Variants in ITIH4 observed in about 807,000 individuals in gnomAD.
The protein encoded by ITIH4 is inter-alpha-trypsin inhibitor heavy chain H4.
ITIH4 carries 79 observed loss-of-function variants against 111.8 expected under a neutral mutation model. That is an observed-to-expected ratio of 0.71 (90% CI 0.59 to 0.85). The LOEUF (loss-of-function observed/expected upper bound fraction) is 0.85, where lower values mean the gene tolerates loss of function less well. Ranked by LOEUF, ITIH4 falls within the 40% of genes least tolerant of loss-of-function variation. ITIH4 has a pLI of 0.00. For missense variants in ITIH4, 1,065 were observed against 1,195.8 expected, an observed-to-expected ratio of 0.89 and a Z score of 1.61; for synonymous variants, 472 against 468.3, an observed-to-expected ratio of 1.01 and a Z score of -0.10.
Position 52,824,706 on chromosome 3 carries a change from G to T in ITIH4, c.876+136C>A. ...GGAACAGGGGCTGCCCTAGGCTCTG[G>T]CCAACCTTGGTTCCTGAGAGCCACC... On this transcript the variant is annotated intron_variant, in intron 7 of 23. Coordinates refer to ENST00000266041, the MANE Select transcript of ITIH4 (RefSeq NM_002218.5). This position sits in a 1 kb window ranked among gnomAD's most constrained non-coding sequence, Gnocchi z 4.3. The T allele has an allele frequency of 7.9e-7, 1 of 1,260,664 alleles. No homozygotes were observed. Among genetic ancestry groups the T allele is most frequent in the South Asian group, 1.4e-5 (1 of 70,974 alleles). 78.1% of individuals were successfully genotyped at this position (1,260,664 alleles called of 1,614,324 possible). A position where few individuals can be genotyped will look rare whatever the true frequency, so the allele number is the denominator to read the frequency against.
chr3:52,818,502 A>C lies in ITIH4; in HGVS notation c.2112T>G (p.Pro704=). The C allele has an allele frequency of 6.2e-7, 1 of 1,606,168 alleles. No homozygotes were observed. The highest frequency in any genetic ancestry group is 8.5e-7 in the Non-Finnish European group (1 of 1,176,136). ...PASAPPATSN[P]DPAVSRVMNM... ...TCATGACACGAGACACAGCTGGATC[A>C]GGATTTGAGGTGGCTGGTGGTGCTG... The change falls in exon 18 of 24, where the codon CCT becomes CCG. Residue 704 remains proline (P), a synonymous_variant. Coordinates refer to ENST00000266041, the MANE Select transcript of ITIH4 (RefSeq NM_002218.5).
Position 52,830,438 on chromosome 3 carries a change from A to T in ITIH4, c.90+115T>A, listed in dbSNP as rs1700550382. On this transcript the variant is annotated intron_variant, in intron 1 of 23. Transcript: ENST00000266041. ...GGAGGTCTGCACCATTTTTTTGCAC[A>T]CACAGGGATGCACACGCACTTGTGC... The T allele has an allele frequency of 4.9e-6, 5 of 1,023,918 alleles. No homozygotes were observed. The Admixed American group carries it at 6.8e-5, about 14-fold the overall frequency. The allele number at this position is 1,023,918 out of a possible 1,614,324, so 63.4% of individuals were successfully genotyped here. A position where few individuals can be genotyped will look rare whatever the true frequency, so the allele number is the denominator to read the frequency against.
In ITIH4 at chr3:52,825,879, C is replaced by G; in HGVS notation, c.759+7G>C. The G allele has an allele frequency of 6.2e-7, 1 of 1,612,792 alleles. No homozygotes were observed. The highest frequency in any genetic ancestry group is 1.1e-5 in the South Asian group (1 of 90,872). ...GGCTGCTCTGCTCTTGCCTGAAGTC[C>G]ACCCACCTGAATGGAGCCCCCGGAG... On this transcript the variant is annotated splice_region_variant and intron_variant, in intron 6 of 23. Coordinates refer to ENST00000266041, the MANE Select transcript of ITIH4 (RefSeq NM_002218.5).
chr3:52,824,791 C>A lies in ITIH4; in HGVS notation c.876+51G>T. 2.1e-6 allele frequency: 3 copies of A among 1,437,604 alleles called. No individual in the cohort carries two copies. The highest frequency in any genetic ancestry group is 1.9e-6 in the Non-Finnish European group (2 of 1,034,124). 89.1% of individuals were successfully genotyped at this position (1,437,604 alleles called of 1,614,324 possible). A position where few individuals can be genotyped will look rare whatever the true frequency, so the allele number is the denominator to read the frequency against. ...CTGCCTGCCGGACCACAGCTGATAG[C>A]GTGAAGGGCCTGGGAGTTTTCAGGG... On this transcript the variant is annotated intron_variant, in intron 7 of 23. Coordinates refer to ENST00000266041, the MANE Select transcript of ITIH4 (RefSeq NM_002218.5). This position sits in a 1 kb window ranked among gnomAD's most constrained non-coding sequence, Gnocchi z 4.3.
At chr3:52,829,323 C>T in intron 1 of ITIH4, 44 bp from the exon 2 acceptor site, 1 of 1,568,160 alleles carries the variant, frequency 6.4e-7, no homozygotes, top group Non-Finnish European at 8.7e-7. Context: ...TTCAATGCCA[C>T]CTCAGCTCGG....
rs750479770 is a variant in ITIH4 at position 52,823,568 on chromosome 3, G to A, written c.1527C>T (p.Val509=). The part of the protein sequence containing the change: ...DRGPDVLTAT[V]SGKLPTQNIT... ...TGGCCACACTCACCAGCTTCCCACT[G>A]ACTGTGGCTGTGAGCACATCAGGCC... is the stretch of plus-strand genomic sequence containing the variant. The change falls in exon 11 of 24, where the codon GTC becomes GTT. Residue 509 remains valine, a synonymous_variant. Coordinates refer to ENST00000266041, the MANE Select transcript of ITIH4 (RefSeq NM_002218.5). The A allele has an allele frequency of 1.2e-6, 2 of 1,608,346 alleles. No individual in the cohort carries two copies. Among genetic ancestry groups the A allele is most frequent in the African/African-American group, 1.3e-5 (1 of 74,862 alleles).
intron 14 of ITIH4, 141 bp from the exon 15 acceptor site, chr3:52,820,131 G>C: frequency 7.8e-7 from 1 of 1,279,814 alleles, no homozygotes; most frequent in African/African-American, 1.5e-5. Context: ...AAATGCACCA[G>C]CATGCTGGGT....
In ITIH4 at chr3:52,822,936, A is replaced by G. The variant is rs149487781; in HGVS notation, c.1539+620T>C. Among the ~76,000 whole-genome samples the G allele has an allele frequency of 7.2e-3, 1,102 of 152,162 alleles. 3 individuals carry two copies. Among genetic ancestry groups the G allele is most frequent in the Non-Finnish European group, 0.01 (687 of 67,984 alleles). ...TGGGGCTCCTGGTGCTGCTCTCCTG[A>G]GTCCAGGGTTAGATCCCAGCCTGTA... is the stretch of plus-strand genomic sequence containing the variant. On this transcript the variant is annotated intron_variant, in intron 11 of 23. Transcript: ENST00000266041.
Position 52,829,198 on chromosome 3 carries a change from C to G in ITIH4, c.172G>C (p.Val58Leu). 2 of 1,613,874 alleles carry G rather than the reference C, an allele frequency of 1.2e-6. No homozygotes were observed. Among genetic ancestry groups the G allele is most frequent in the Non-Finnish European group, 1.7e-6 (2 of 1,179,812 alleles). ...TCCTGCACAGTATTGGCCCTATTGA[C>G]CACTCGGCTGGTGACGACCGTGTGG... is the stretch of plus-strand genomic sequence containing the variant. ...FAHTVVTSRV[V>L]NRANTVQEAT... Residue 58 changes from valine to leucine, a missense_variant, in exon 2 of 24, where the codon GTC (valine) becomes CTC (leucine). Transcript: ENST00000266041.
intron 11 of ITIH4, 60 bp from the exon 12 acceptor site, chr3:52,821,190 G>A: frequency 6.3e-7 from 1 of 1,576,276 alleles, no homozygotes; most frequent in Non-Finnish European, 8.6e-7. Context: ...GCATCTGCCT[G>A]GCACTTCTGA....
Position 52,824,315 on chromosome 3 carries a change from C to T in ITIH4, c.1046G>A (p.Gly349Glu). The T allele has an allele frequency of 1.2e-6, 2 of 1,612,870 alleles. No individual in the cohort carries two copies. The highest frequency in any genetic ancestry group is 1.3e-5 in the African/African-American group (1 of 75,034). The change falls in exon 9 of 24, where the codon GGG becomes GAG. Residue 349 changes from glycine (G) to glutamate (E), a missense_variant and splice_region_variant. Transcript: ENST00000266041. This position sits in a 1 kb window ranked among gnomAD's most constrained non-coding sequence, Gnocchi z 4.3. The stretch of plus-strand genomic sequence containing the variant: ...CAGCATTGCATCATTGATGTTGGTC[C>T]CTGAGGAACACGCACTCTCAAGGTG... ...SFAAGIQALG[G>E]TNINDAMLMA...
intron 11 of ITIH4, 104 bp from the exon 12 acceptor site, chr3:52,821,234 C>G: frequency 7.3e-7 from 1 of 1,379,254 alleles, no homozygotes; most frequent in Non-Finnish European, 9.9e-7. Context: ...GCAGGTCCCA[C>G]ACACTGACTG....
intron 23 of ITIH4, 101 bp from the exon 24 acceptor site, chr3:52,813,591 G>C: frequency 1.0e-6 from 1 of 990,298 alleles, no homozygotes; most frequent in Non-Finnish European, 1.6e-6. Context: ...AGGGCAGGGA[G>C]TCCTGGCGTC....
In ITIH4 at chr3:52,830,553, CT is replaced by C; in HGVS notation, c.89del (p.Lys30ArgfsTer55). On this transcript the variant is annotated frameshift_variant and splice_region_variant, in exon 1 of 24. Coordinates refer to ENST00000266041, the MANE Select transcript of ITIH4 (RefSeq NM_002218.5). LOFTEE classifies it high-confidence loss of function. The part of the protein sequence containing the change: ...LAIHQTTTAE[K>X]NGIDIYSLTV... ...CGCCACACCCATGGACACTGGCTAC[CT>C]TTTCGGCAGTAGTAGTCTGGTGGAT... 6.2e-7 allele frequency: 1 copy of C among 1,613,912 alleles called. No homozygotes were observed. Among genetic ancestry groups the C allele is most frequent in the Non-Finnish European group, 8.5e-7 (1 of 1,179,786 alleles).
chr3:52,813,526 A>G (rs1700225928), intron 23 of ITIH4, 36 bp from the exon 24 acceptor site: 3 of 1,584,424 alleles, frequency 1.9e-6, no homozygotes, highest in Non-Finnish European at 2.6e-6. Context: ...GCAGGTGGTC[A>G]GCAAATCTCA....
chr3:52,818,194 G>A, intron 19 of ITIH4, 26 bp from the exon 20 acceptor site: 3 of 1,599,876 alleles, frequency 1.9e-6, no homozygotes, highest in Non-Finnish European at 2.6e-6. Flanking sequence ...CACGGCTCCT[G>A]GAGCAGGAAG....
In ITIH4 at chr3:52,813,490, T is replaced by A; in HGVS notation, c.2724A>T (p.Arg908Ser). 2 of 1,613,770 alleles carry A rather than the reference T, an allele frequency of 1.2e-6. No homozygotes were observed. Among genetic ancestry groups the A allele is most frequent in the African/African-American group, 2.7e-5 (2 of 74,998 alleles). Residue 908 changes from arginine to serine, a missense_variant and splice_region_variant, in exon 24 of 24, where the codon AGA becomes AGT. Coordinates refer to ENST00000266041, the MANE Select transcript of ITIH4 (RefSeq NM_002218.5). ...CCTCCTGGTAATCCAGCCTGCGCTC[T>A]CTGAAATGGAAAGACAGACAGATAG... is the stretch of plus-strand genomic sequence containing the variant. ...RVQGNDHSAT[R>S]ERRLDYQEGP... is the part of the protein sequence containing the mutation.
chr3:52,821,965 C>T (rs1342159070), intron 11 of ITIH4, among the ~76,000 whole-genome samples: 1 of 152,244 alleles, frequency 6.6e-6, no homozygotes, highest in Non-Finnish European at 1.5e-5. Context: ...TTGCCCCATC[C>T]ACACATACAG....
chr3:52,812,970 A>ATTTTTTTTTTTTTT lies in ITIH4; in HGVS notation c.*437_*450dup, dbSNP rs67293153. 1 of 132,842 alleles carries ATTTTTTTTTTTTTT rather than the reference A, an allele frequency of 7.5e-6. No homozygotes were observed. Among genetic ancestry groups the ATTTTTTTTTTTTTT allele is most frequent in the Admixed American group, 7.6e-5 (1 of 13,136 alleles). The allele number at this position is 132,842 out of a possible 1,614,324, so 8.2% of individuals were successfully genotyped here. On this transcript the variant is annotated 3_prime_UTR_variant, in exon 24 of 24. Coordinates refer to ENST00000266041, the MANE Select transcript of ITIH4 (RefSeq NM_002218.5). ...AAAGAATTCCAACCCAGTTCACTCT[A>ATTTTTTTTTTTTTT]TTTTTTTTTTTTTTTTTTTTGTAGT...
Sources: allele counts gnomAD v4.1 joint callset (sites outside exome capture counted in the v4.1 genomes callset), GRCh38; gene constraint gnomAD v4.1.1; non-coding constraint Gnocchi (gnomAD v3.1); transcripts MANE v1.5; gene names NCBI Gene and HGNC (gene_info 2026-07-23, HGNC 2026-07-21).